Variants in SYNE1 observed in about 807,000 individuals in gnomAD.
SYNE1 encodes nesprin-1.
SYNE1 carries 616 observed loss-of-function variants against 1,111.0 expected under a neutral mutation model. That is an observed-to-expected ratio of 0.55 (90% CI 0.52 to 0.59). The LOEUF (loss-of-function observed/expected upper bound fraction) is 0.59. Among genes scored for constraint, SYNE1 ranks in the 20% least tolerant of loss-of-function variants. The pLI is 0.00. For missense variants in SYNE1, 10,006 were observed against 10,417.0 expected (o/e 0.96, Z 1.72); for synonymous variants, 3,855 against 3,825.8 (o/e 1.01, Z -0.28).
chr6:152,417,800 A>T (rs559253673), intron 40 of SYNE1, among the ~76,000 whole-genome samples: 1 of 152,084 alleles, frequency 6.6e-6, no homozygotes, highest in Non-Finnish European at 1.5e-5. Flanking sequence ...TTAAAAATTT[A>T]AAAGATGTAT....
intron 58 of SYNE1, among the ~76,000 whole-genome samples, chr6:152,374,578 A>G: frequency 6.6e-6 from 1 of 152,170 alleles, no homozygotes; most frequent in East Asian, 1.9e-4. Flanking sequence ...CTTCGAGACC[A>G]GCCTGAGCAA....
intron 98 of SYNE1, 22 bp downstream of exon 98, chr6:152,278,067 G>C: frequency 1.2e-6 from 2 of 1,613,236 alleles, no homozygotes; most frequent in Non-Finnish European, 1.7e-6. Context: ...TTCAGCTGTG[G>C]GCCAGCGGCT....
intron 42 of SYNE1, among the ~76,000 whole-genome samples, chr6:152,412,851 A>ATTTTTTTTTTTTTTTTT (rs373723820): frequency 7.6e-6 from 1 of 131,660 alleles, no homozygotes; most frequent in African/African-American, 2.8e-5. Context: ...TTCACATGTA[A>ATTTTTTTTTTTTTTTTT]TTTTTTTTTT....
rs758530823 is a variant in SYNE1, at chr6:152,331,697, C to A, written c.12988G>T (p.Asp4330Tyr). The A allele has an allele frequency of 6.2e-7, 1 of 1,614,090 alleles. No homozygotes were observed. The highest frequency in any genetic ancestry group is 1.3e-5 in the African/African-American group (1 of 74,922). ...HLEQRWFQLEDLIKRKIQVSV... is the reference protein window; with the variant it reads ...HLEQRWFQLEYLIKRKIQVSV... ...ACTTGGATTTTCCTTTTAATGAGGT[C>A]CTCAAGCTGAAACCAACGTTGCTCT... Residue 4330 changes from aspartate to tyrosine, a missense_variant, in exon 78 of 146, where the codon GAC (aspartate) becomes TAC (tyrosine). Asp to Tyr is a radical substitution (Grantham distance 160). Coordinates refer to ENST00000367255, the MANE Select transcript of SYNE1 (RefSeq NM_182961.4).
chr6:152,611,777 G>C (rs4870119), intron 3 of SYNE1, among the ~76,000 whole-genome samples: 110,245 of 151,812 alleles, frequency 0.73, 40,196 homozygotes, highest in East Asian at 0.81. Context: ...TGTAAAAGAA[G>C]AGAAATCACA....
intron 63 of SYNE1, among the ~76,000 whole-genome samples, chr6:152,363,369 C>T (rs1195483958): frequency 6.7e-6 from 1 of 149,834 alleles, no homozygotes; most frequent in Admixed American, 6.6e-5. Flanking sequence ...TGGCGGGCGC[C>T]TGTAGTACCA....
At chr6:152,308,021 C>T (rs1401406350) in intron 91 of SYNE1, among the ~76,000 whole-genome samples, 4 of 152,012 alleles carry the variant, frequency 2.6e-5, no homozygotes, top group Non-Finnish European at 4.4e-5. Flanking sequence ...TTAGTAGAGA[C>T]GGGGTTTCAC....
chr6:152,558,980 A>ATTTATTTAT (rs537653044), intron 3 of SYNE1, among the ~76,000 whole-genome samples: 6 of 72,960 alleles, frequency 8.2e-5, no homozygotes, highest in African/African-American at 3.7e-4. Context: ...TTTAATTTTT[A>ATTTATTTAT]TTTATTTATT....
At position 152,224,501 on chromosome 6, in the gene SYNE1, T is replaced by C; in HGVS notation, c.21515A>G (p.Asn7172Ser). The stretch of plus-strand genomic sequence containing the variant: ...GTTAAATTAATTCCTTACCTGAAGA[T>C]TGTCCACCTGAACTTGCACAGCTTC... ...SLEAVQVQVD[N>S]LQNLQDDLEK... Residue 7172 changes from asparagine to serine, a missense_variant, in exon 117 of 146, where the codon AAT (asparagine) becomes AGT (serine). Asn to Ser is a conservative substitution (Grantham distance 46, BLOSUM62 1). Around this residue, in one of 7 missense-constraint regions of SYNE1, gnomAD observed 2,182 missense variants for 2,287.8 expected, o/e 0.95. Coordinates refer to ENST00000367255, the MANE Select transcript of SYNE1 (RefSeq NM_182961.4). 1.2e-6 allele frequency: 2 copies of C among 1,613,988 alleles called. No homozygotes were observed. Among genetic ancestry groups the C allele is most frequent in the South Asian group, 2.2e-5 (2 of 91,078 alleles).
intron 11 of SYNE1, among the ~76,000 whole-genome samples, chr6:152,490,173 G>T (rs1299392881): frequency 1.3e-5 from 2 of 152,060 alleles, no homozygotes; most frequent in Non-Finnish European, 2.9e-5. Context: ...TTTGTGTTAG[G>T]TATTATACAT....
intron 121 of SYNE1, among the ~76,000 whole-genome samples, chr6:152,216,359 G>C (rs561406150): frequency 6.6e-6 from 1 of 152,304 alleles, no homozygotes; most frequent in East Asian, 1.9e-4. Context: ...TAAATGACAT[G>C]ATAGAGCATG....
At chr6:152,236,397 C>T (rs2153535993) in intron 109 of SYNE1, 94 bp from the exon 110 acceptor site, 3 of 912,014 alleles carry the variant, frequency 3.3e-6, no homozygotes, top group Non-Finnish European at 5.2e-6. Flanking sequence ...GTTCCCATTA[C>T]CTGTTATTCA....
Position 152,234,718 on chromosome 6 carries a change from T to TCCTTTGGA in SYNE1, c.20478_20479insTCCAAAGG (p.Thr6827SerfsTer16). 1 of 1,614,242 alleles carries TCCTTTGGA rather than the reference T, an allele frequency of 6.2e-7. No homozygotes were observed. Among genetic ancestry groups the TCCTTTGGA allele is most frequent in the Non-Finnish European group, 8.5e-7 (1 of 1,180,040 alleles). On this transcript the variant is annotated frameshift_variant, in exon 111 of 146. Transcript: ENST00000367255. LOFTEE classifies it high-confidence loss of function. Reference sequence around the variant, plus strand: ...ACCATTTCCAGCTCTTGTGGGACTGTCACAGATTGCTGAGTCCAAAATTCT... The same window carrying TCCTTTGGA: ...ACCATTTCCAGCTCTTGTGGGACTGTCCTTTGGACACAGATTGCTGAGTCCAAAATTCT...
At chr6:152,333,104 G>A (rs1402624630) in intron 77 of SYNE1, among the ~76,000 whole-genome samples, 1 of 152,210 alleles carries the variant, frequency 6.6e-6, no homozygotes, top group Non-Finnish European at 1.5e-5. Context: ...TTTCTTTGCT[G>A]TAAACTAGTA....
In SYNE1 at chr6:152,325,941, T is replaced by C; in HGVS notation, c.15438+17A>G. The C allele has an allele frequency of 1.2e-6, 2 of 1,614,038 alleles. No individual in the cohort carries two copies. Among genetic ancestry groups the C allele is most frequent in the Non-Finnish European group, 8.5e-7 (1 of 1,179,986 alleles). ...TTATAGAAAAAGGATTTTTTTTAAA[T>C]GGCCCAAAACTCTGACCTTGTGTTC... On this transcript the variant is annotated intron_variant, in intron 80 of 145. Coordinates refer to ENST00000367255, the MANE Select transcript of SYNE1 (RefSeq NM_182961.4).
chr6:152,333,718 C>G (rs550292037), intron 77 of SYNE1, among the ~76,000 whole-genome samples: 1 of 152,206 alleles, frequency 6.6e-6, no homozygotes, highest in Admixed American at 6.5e-5. Flanking sequence ...CTGCAGCCTC[C>G]TCCTCCCAGG....
intron 35 of SYNE1, 53 bp from the exon 36 acceptor site, chr6:152,430,263 CAA>C (rs373546290): frequency 1.8e-5 from 22 of 1,252,264 alleles, no homozygotes; most frequent in South Asian, 2.9e-5. Context: ...CATAGCAAGA[CAA>C]AAAAAAAAGT....
chr6:152,461,801 T>G, intron 20 of SYNE1, 61 bp from the exon 21 acceptor site: 476 of 1,550,796 alleles, frequency 3.1e-4, no homozygotes, highest in Non-Finnish European at 3.8e-4. Flanking sequence ...AACTTCCGGA[T>G]TCCACAGAAG....
intron 9 of SYNE1, 51 bp downstream of exon 9, chr6:152,505,150 T>G (rs370924834): frequency 2.1e-4 from 331 of 1,597,394 alleles, no homozygotes; most frequent in South Asian, 8.6e-4. Context: ...GTTTAAGACA[T>G]AAAAACCCTC....
Sources: gnomAD v4.1 joint callset for allele counts (sites outside exome capture counted in the v4.1 genomes callset) on GRCh38, gnomAD v4.1.1 for gene constraint, gnomAD v4.1.1 regional missense constraint, MANE v1.5 for transcripts, NCBI Gene and HGNC (gene_info 2026-07-23, HGNC 2026-07-21) for gene names.